Variants in UBXN2B observed in about 807,000 individuals in gnomAD.
UBXN2B encodes the protein UBX domain protein 2B.
In UBXN2B, 19 loss-of-function variants were observed where a neutral mutation model predicts 37.5. The observed-to-expected ratio is 0.51, with a 90% CI of 0.35 to 0.74. UBXN2B has a LOEUF of 0.74. Among genes scored for constraint, UBXN2B ranks in the 30% least tolerant of loss-of-function variants. The probability of loss-of-function intolerance (pLI) is 0.01; values close to 1 mark genes in which losing one functional copy is unlikely to be tolerated. For synonymous variants in UBXN2B, 145 were observed against 143.8 expected (o/e 1.01, Z -0.06); for missense variants, 370 against 393.2 (o/e 0.94, Z 0.50).
At chr8:58,413,742 G>C (rs1185259194) in intron 1 of UBXN2B, among the ~76,000 whole-genome samples, 1 of 152,064 alleles carries the variant, frequency 6.6e-6, no homozygotes, top group Non-Finnish European at 1.5e-5. Flanking sequence ...GGAGCCCCCA[G>C]GTTACAAACT....
chr8:58,431,310 A>G (rs896684280), intron 3 of UBXN2B, among the ~76,000 whole-genome samples: 3 of 152,222 alleles, frequency 2.0e-5, no homozygotes, highest in Non-Finnish European at 4.4e-5. Flanking sequence ...ACAGTGTTAT[A>G]CAAATGGAGT....
At position 58,450,511 on chromosome 8, in the gene UBXN2B, G is replaced by A. The variant is rs1349443798; in HGVS notation, c.*2960G>A. The A allele has an allele frequency of 1.3e-5, 2 of 152,060 alleles. No homozygotes were observed. The highest frequency in any genetic ancestry group is 1.9e-4 in the East Asian group (1 of 5,188). The allele number at this position is 152,060 out of a possible 1,614,324, so 9.4% of individuals were successfully genotyped here. On this transcript the variant is annotated 3_prime_UTR_variant, in exon 8 of 8. Coordinates refer to ENST00000399598, the MANE Select transcript of UBXN2B (RefSeq NM_001077619.2). The stretch of plus-strand genomic sequence containing the variant: ...ATGATTTAGATATTCTATGGCAATC[G>A]AGGTATTCTCTATTATGCTCCTTTC...
intron 5 of UBXN2B, chr8:58,434,989 T>C (rs1033035556): frequency 5.5e-5 from 85 of 1,531,972 alleles, no homozygotes; most frequent in Non-Finnish European, 7.4e-5. Flanking sequence ...AACTCAGATA[T>C]TCAGTGCTCT....
Position 58,450,455 on chromosome 8 carries a change from T to C in UBXN2B, c.*2904T>C, listed in dbSNP as rs1245970204. 2 of 152,268 alleles carry C rather than the reference T, an allele frequency of 1.3e-5. No homozygotes were observed. The highest frequency in any genetic ancestry group is 2.9e-5 in the Non-Finnish European group (2 of 68,062). 9.4% of individuals were successfully genotyped at this position (152,268 alleles called of 1,614,324 possible). A position where few individuals can be genotyped will look rare whatever the true frequency, so the allele number is the denominator to read the frequency against. On this transcript the variant is annotated 3_prime_UTR_variant, in exon 8 of 8. Coordinates refer to ENST00000399598, the MANE Select transcript of UBXN2B (RefSeq NM_001077619.2). ...TTTCCTCCACTTCTCCAGTAACATATTCCTCATTTTTTACCAACAGTCTAT... is the reference window on the plus strand; with the variant it reads ...TTTCCTCCACTTCTCCAGTAACATACTCCTCATTTTTTACCAACAGTCTAT...
chr8:58,430,802 T>C, intron 3 of UBXN2B, 133 bp downstream of exon 3: 1 of 747,956 alleles, frequency 1.3e-6, no homozygotes, highest in Non-Finnish European at 1.9e-6. Context: ...TTTATAAAAT[T>C]ATAATATTTC....
Position 58,421,637 on chromosome 8 carries a change from T to C in UBXN2B, c.188+4684T>C, listed in dbSNP as rs536118436. Among the ~76,000 whole-genome samples, 64 of 152,316 alleles carry C rather than the reference T, an allele frequency of 4.2e-4. 1 individual carries two copies. Among genetic ancestry groups the C allele is most frequent in the African/African-American group, 1.5e-3 (62 of 41,576 alleles). On this transcript the variant is annotated intron_variant, in intron 2 of 7. Coordinates refer to ENST00000399598, the MANE Select transcript of UBXN2B (RefSeq NM_001077619.2). ...TCTCACTTCCTCAGCAACCACCTCT[T>C]TGGAACTTTAATTTCCACACCTTTT...
chr8:58,442,018 C>A (rs1808563434), intron 6 of UBXN2B, among the ~76,000 whole-genome samples: 1 of 152,076 alleles, frequency 6.6e-6, no homozygotes. Context: ...TGCTTGGTGC[C>A]CATGAAACTA....
chr8:58,438,336 C>T (rs1380128797), intron 5 of UBXN2B, among the ~76,000 whole-genome samples: 1 of 152,194 alleles, frequency 6.6e-6, no homozygotes, highest in Admixed American at 6.5e-5. Context: ...GGAGGTGCCA[C>T]CTCCAGACCC....
Position 58,447,509 on chromosome 8 carries a change from A to C in UBXN2B, c.954A>C (p.Glu318Asp), listed in dbSNP as rs778282101. Reference protein sequence around the residue: ...ELTDESLTLLEADILNTVLLQ... With the variant: ...ELTDESLTLLDADILNTVLLQ... ...CAGATGAAAGCCTGACACTGCTAGA[A>C]GCAGATATTCTTAACACTGTGTTAC... Residue 318 changes from glutamate (E) to aspartate (D), a missense_variant, in exon 8 of 8, where the codon GAA becomes GAC. By Grantham distance (45) the Glu-to-Asp change is conservative. Around this residue, in one of 3 missense-constraint regions of UBXN2B, gnomAD observed 83 missense variants for 83.5 expected, o/e 0.99. Coordinates refer to ENST00000399598, the MANE Select transcript of UBXN2B (RefSeq NM_001077619.2). 6.2e-6 allele frequency: 10 copies of C among 1,613,290 alleles called. No homozygotes were observed. Among genetic ancestry groups the C allele is most frequent in the Non-Finnish European group, 8.5e-6 (10 of 1,179,510 alleles).
At chr8:58,412,519 G>A (rs2129603543) in intron 1 of UBXN2B, among the ~76,000 whole-genome samples, 1 of 152,362 alleles carries the variant, frequency 6.6e-6, no homozygotes. Context: ...AGGCTGGAGA[G>A]ATCAGTGTAA....
intron 3 of UBXN2B, among the ~76,000 whole-genome samples, chr8:58,431,104 A>G (rs1773321066): frequency 1.3e-5 from 2 of 152,232 alleles, no homozygotes; most frequent in South Asian, 4.1e-4. Flanking sequence ...TACCATTTGC[A>G]CTCACACCCA....
chr8:58,439,914 AATATT>A, intron 6 of UBXN2B, 144 bp downstream of exon 6: 1 of 641,166 alleles, frequency 1.6e-6, no homozygotes, highest in Non-Finnish European at 2.5e-6. Flanking sequence ...ATTATATCAT[AATATT>A]ATATCATGTG....
At chr8:58,413,731 G>A (rs1807701584) in intron 1 of UBXN2B, among the ~76,000 whole-genome samples, 1 of 151,992 alleles carries the variant, frequency 6.6e-6, no homozygotes, top group Admixed American at 6.6e-5. Context: ...TCCCAGCCCT[G>A]GGAGCCCCCA....
At chr8:58,435,070 A>G (rs1441046447) in intron 5 of UBXN2B, 12 of 1,440,046 alleles carry the variant, frequency 8.3e-6, no homozygotes, top group African/African-American at 2.9e-5. Context: ...TGATTTTGCT[A>G]TGATAATAAA....
At chr8:58,419,847 A>G (rs543735557) in intron 2 of UBXN2B, among the ~76,000 whole-genome samples, 2 of 152,250 alleles carry the variant, frequency 1.3e-5, no homozygotes, top group Non-Finnish European at 2.9e-5. Context: ...AGGCTTTCAT[A>G]GGCATGTGAC....
intron 1 of UBXN2B, among the ~76,000 whole-genome samples, chr8:58,414,603 A>G (rs1807723947): frequency 6.6e-6 from 1 of 152,104 alleles, no homozygotes. Flanking sequence ...ATATTTATCA[A>G]TTTAAATTAT....
intron 1 of UBXN2B, among the ~76,000 whole-genome samples, chr8:58,416,154 A>C (rs1440137320): frequency 6.6e-6 from 1 of 151,958 alleles, no homozygotes; most frequent in Non-Finnish European, 1.5e-5. Flanking sequence ...TTGTTGTCCA[A>C]AGATGTCAAA....
At chr8:58,444,639 T>G (rs899777856) in intron 6 of UBXN2B, among the ~76,000 whole-genome samples, 1 of 152,176 alleles carries the variant, frequency 6.6e-6, no homozygotes, top group African/African-American at 2.4e-5. Context: ...TCCCCCTCCC[T>G]TGTGTAAGGA....
At position 58,416,839 on chromosome 8, in the gene UBXN2B, T is replaced by C. The variant is rs777793945; in HGVS notation, c.85-11T>C. 4 of 1,608,154 alleles carry C rather than the reference T, an allele frequency of 2.5e-6. No individual in the cohort carries two copies. Among genetic ancestry groups the C allele is most frequent in the Non-Finnish European group, 3.4e-6 (4 of 1,175,976 alleles). On this transcript the variant is annotated splice_polypyrimidine_tract_variant and intron_variant, in intron 1 of 7. Transcript: ENST00000399598. Reference sequence around the variant, plus strand: ...AGTGTTATACTTTGTAACAAGCCTGTTATTATGTAGTTGGCCTTGGCAGAA... The same window carrying C: ...AGTGTTATACTTTGTAACAAGCCTGCTATTATGTAGTTGGCCTTGGCAGAA...
Sources: gnomAD v4.1 joint callset for allele counts (sites outside exome capture counted in the v4.1 genomes callset) on GRCh38, gnomAD v4.1.1 for gene constraint, gnomAD v4.1.1 regional missense constraint, MANE v1.5 for transcripts, NCBI Gene and HGNC (gene_info 2026-07-23, HGNC 2026-07-21) for gene names.